The following NFIB variants were observed in gnomAD, a reference collection of about 807,000 sequenced individuals.
NFIB encodes nuclear factor 1 B-type.
Under a neutral mutation model 61.5 loss-of-function variants are expected in NFIB, and 11 were observed. That is an observed-to-expected ratio of 0.18 (90% CI 0.11 to 0.30). The LOEUF (loss-of-function observed/expected upper bound fraction) is 0.30, where lower values mean the gene tolerates loss of function less well. Ranked by LOEUF, NFIB falls within the 10% of genes least tolerant of loss-of-function variation. The pLI is 1.00. For synonymous variants in NFIB, 260 were observed against 216.5 expected, an observed-to-expected ratio of 1.20 and a Z score of -1.76; for missense variants, 471 against 608.9, an observed-to-expected ratio of 0.77 and a Z score of 2.38.
At chr9:14,287,172 C>A (rs548274920) in intron 2 of NFIB, among the ~76,000 whole-genome samples, 1 of 150,914 alleles carries the variant, frequency 6.6e-6, no homozygotes, top group African/African-American at 2.5e-5. Context: ...TGGCTCACAC[C>A]TGTAATCCCA....
In NFIB at chr9:14,313,536, C is replaced by G. The variant is rs1564001696; in HGVS notation, c.-25G>C. The G allele has an allele frequency of 6.2e-7, 1 of 1,613,352 alleles. No homozygotes were observed. The highest frequency in any genetic ancestry group is 8.5e-7 in the Non-Finnish European group (1 of 1,179,680). ...TGACTTCGCCTTAAAACGCACTTTC[C>G]GGGAGATGCCCAAGAAAATCTTCGA... On this transcript the variant is annotated 5_prime_UTR_variant, in exon 1 of 11. Coordinates refer to ENST00000380953, the MANE Select transcript of NFIB (RefSeq NM_001190737.2). The surrounding 1 kb of genome is among the most constrained non-coding windows in gnomAD (Gnocchi z 4.5).
chr9:14,178,609 GAT>G (rs1253361697), intron 3 of NFIB, among the ~76,000 whole-genome samples: 1 of 152,016 alleles, frequency 6.6e-6, no homozygotes, highest in Non-Finnish European at 1.5e-5. Context: ...TTTGGAAAAA[GAT>G]AATTTTTCTG....
chr9:14,335,846 T>C (rs2060880169), intron 1 of NFIB, among the ~76,000 whole-genome samples: 1 of 152,258 alleles, frequency 6.6e-6, no homozygotes, highest in African/African-American at 2.4e-5. Flanking sequence ...AGTTAAACTT[T>C]GTATTTAGTG....
At chr9:14,136,923 A>G (rs2041113735) in intron 6 of NFIB, among the ~76,000 whole-genome samples, 1 of 152,170 alleles carries the variant, frequency 6.6e-6, no homozygotes, top group South Asian at 2.1e-4. Context: ...TTCAACCTAA[A>G]TCTATATTTT....
the NFIB span, among the ~76,000 whole-genome samples, chr9:14,488,466 A>G: frequency 2.0e-5 from 3 of 152,142 alleles, no homozygotes; most frequent in Non-Finnish European, 4.4e-5. Context: ...GGGCACTACA[A>G]ATTTGCTTTG....
intron 2 of NFIB, among the ~76,000 whole-genome samples, chr9:14,215,012 A>C (rs1823929227): frequency 6.6e-6 from 1 of 152,216 alleles, no homozygotes; most frequent in South Asian, 2.1e-4. Flanking sequence ...AACAAGGAGA[A>C]GGAAGAGATT....
rs1292891918 is a variant in NFIB at position 14,120,025 on chromosome 9, G to T, written c.1245+415C>A. ...CCAAAGCTTATTTTAATACCTAATA[G>T]TTGGTCTATAAATACAACTGTAAGT... On this transcript the variant is annotated intron_variant, in intron 8 of 10. Transcript: ENST00000380953. The surrounding 1 kb of genome is among the most constrained non-coding windows in gnomAD (Gnocchi z 4.4). 1.3e-5 allele frequency among the ~76,000 whole-genome samples: 2 copies of T among 152,160 alleles called. No homozygotes were observed. Among genetic ancestry groups the T allele is most frequent in the East Asian group, 3.8e-4 (2 of 5,196 alleles).
the NFIB span, among the ~76,000 whole-genome samples, chr9:14,404,553 C>T: frequency 6.6e-6 from 1 of 152,122 alleles, no homozygotes; most frequent in African/African-American, 2.4e-5. Flanking sequence ...TTTGATTCCC[C>T]ATGTTTATTT....
At chr9:14,377,389 T>C (rs2061431887) in intron 1 of NFIB, among the ~76,000 whole-genome samples, 1 of 152,160 alleles carries the variant, frequency 6.6e-6, no homozygotes, top group Non-Finnish European at 1.5e-5. Context: ...CTATTTTTTC[T>C]TTTATTTTTC....
At chr9:14,499,374 G>C in the NFIB span, among the ~76,000 whole-genome samples, 2 of 152,086 alleles carry the variant, frequency 1.3e-5, no homozygotes, top group African/African-American at 4.8e-5. Context: ...GGTCAGGACA[G>C]CTGTGCCCCC....
At chr9:14,207,827 G>C (rs930100408) in intron 2 of NFIB, among the ~76,000 whole-genome samples, 1 of 152,194 alleles carries the variant, frequency 6.6e-6, no homozygotes, top group African/African-American at 2.4e-5. Flanking sequence ...TGACCACAGA[G>C]AAGAGCCCGT....
At chr9:14,400,154 T>C (rs112426086), upstream of NFIB, among the ~76,000 whole-genome samples, 205 of 152,304 alleles carry the variant, frequency 1.3e-3, 2 homozygotes, top group African/African-American at 4.7e-3. Context: ...AGTAGCTTTA[T>C]GTTCTGTTTA....
At chr9:14,278,361 G>T (rs761696831) in intron 2 of NFIB, among the ~76,000 whole-genome samples, 12 of 152,224 alleles carry the variant, frequency 7.9e-5, no homozygotes, top group Admixed American at 3.9e-4. Context: ...GCTACAGAAA[G>T]ATTAGTTTAT....
At chr9:14,449,842 G>A in the NFIB span, among the ~76,000 whole-genome samples, 2 of 152,072 alleles carry the variant, frequency 1.3e-5, no homozygotes, top group African/African-American at 2.4e-5. Flanking sequence ...GCTGAGGCAT[G>A]AGAATCGTTT....
At chr9:14,455,438 T>G in the NFIB span, among the ~76,000 whole-genome samples, 1 of 152,158 alleles carries the variant, frequency 6.6e-6, no homozygotes, top group East Asian at 1.9e-4. Flanking sequence ...CACTTGAGGA[T>G]GTGAACTGGA....
chr9:14,415,816 G>C, the NFIB span, among the ~76,000 whole-genome samples: 2 of 152,234 alleles, frequency 1.3e-5, no homozygotes, highest in South Asian at 4.2e-4. Flanking sequence ...GTAATCAAAG[G>C]AGACACCCCC....
chr9:14,273,891 T>C (rs2057803464), intron 2 of NFIB, among the ~76,000 whole-genome samples: 1 of 152,136 alleles, frequency 6.6e-6, no homozygotes, highest in Non-Finnish European at 1.5e-5. Flanking sequence ...GCCCCCGAAA[T>C]TGTTCACTAC....
the NFIB span, among the ~76,000 whole-genome samples, chr9:14,487,880 G>A: frequency 6.6e-6 from 1 of 152,148 alleles, no homozygotes; most frequent in Non-Finnish European, 1.5e-5. Flanking sequence ...TCAGGGGCAT[G>A]GGCAGGCACA....
intron 1 of NFIB, among the ~76,000 whole-genome samples, chr9:14,341,396 G>A (rs2060948366): frequency 6.6e-6 from 1 of 152,144 alleles, no homozygotes; most frequent in Non-Finnish European, 1.5e-5. Flanking sequence ...CATGGAAACT[G>A]GAATGCCCAA....
Sources: gnomAD v4.1 joint callset for allele counts (sites outside exome capture counted in the v4.1 genomes callset) on GRCh38, gnomAD v4.1.1 for gene constraint, Gnocchi (gnomAD v3.1) non-coding constraint, MANE v1.5 for transcripts, NCBI Gene and HGNC (gene_info 2026-07-23, HGNC 2026-07-21) for gene names.